The following ATG10 variants were observed in gnomAD, a reference collection of about 807,000 sequenced individuals.
ATG10 encodes the protein autophagy related 10.
In ATG10, 30 loss-of-function variants were observed where a neutral mutation model predicts 32.1. The ratio of observed to expected loss-of-function variants is 0.94; its 90% CI spans 0.70 to 1.27. The LOEUF is 1.27. Ranked by LOEUF, ATG10 falls within the 50% of genes most tolerant of loss-of-function variation. The pLI, the probability that ATG10 is intolerant of heterozygous loss-of-function variation, is 0.00. For synonymous variants in ATG10, 87 were observed against 91.5 expected, an observed-to-expected ratio of 0.95 and a Z score of 0.28; for missense variants, 233 against 262.3, an observed-to-expected ratio of 0.89 and a Z score of 0.77.
intron 3 of ATG10, among the ~76,000 whole-genome samples, chr5:82,111,025 T>TA (rs1581699632): frequency 6.6e-6 from 1 of 151,984 alleles, no homozygotes; most frequent in East Asian, 1.9e-4. Context: ...AGTTTAGAGT[T>TA]ATGGTTTTAG....
At chr5:81,995,949 A>T (rs1026903248) in intron 2 of ATG10, among the ~76,000 whole-genome samples, 2 of 152,212 alleles carry the variant, frequency 1.3e-5, no homozygotes, top group Non-Finnish European at 2.9e-5. Context: ...TAATTACAGA[A>T]GTTGTTTTCA....
intron 5 of ATG10, among the ~76,000 whole-genome samples, chr5:82,217,789 A>T (rs1272504154): frequency 3.3e-5 from 5 of 150,682 alleles, no homozygotes; most frequent in African/African-American, 1.2e-4. Flanking sequence ...CCTGGGCAAT[A>T]TAACAAGACC....
chr5:82,021,979 C>T (rs1488949919), intron 2 of ATG10, among the ~76,000 whole-genome samples: 19 of 149,366 alleles, frequency 1.3e-4, no homozygotes, highest in East Asian at 4.0e-4. Flanking sequence ...ACCGAGATCA[C>T]GCCATTACAC....
intron 3 of ATG10, among the ~76,000 whole-genome samples, chr5:82,075,590 CTT>C (rs1764250543): frequency 6.6e-6 from 1 of 152,060 alleles, no homozygotes; most frequent in Non-Finnish European, 1.5e-5. Context: ...ATGAAAGTAA[CTT>C]TGGAGTAAAT....
intron 2 of ATG10, among the ~76,000 whole-genome samples, chr5:82,055,158 G>A (rs542751143): frequency 6.6e-6 from 1 of 152,072 alleles, no homozygotes; most frequent in Non-Finnish European, 1.5e-5. Context: ...ATCTAGTTCT[G>A]TGGAAGTCTT....
intron 3 of ATG10, among the ~76,000 whole-genome samples, chr5:82,140,636 C>T (rs1416910161): frequency 1.8e-5 from 1 of 57,078 alleles, no homozygotes; most frequent in East Asian, 5.9e-4. Flanking sequence ...GCCGCCCCGT[C>T]CGGGAGGTGA....
chr5:82,104,105 T>C (rs1765373102), intron 3 of ATG10, among the ~76,000 whole-genome samples: 1 of 152,188 alleles, frequency 6.6e-6, no homozygotes, highest in South Asian at 2.1e-4. Flanking sequence ...TAGATGTTTA[T>C]GTTCCTTCCA....
chr5:82,236,073 A>G (rs1158985890), intron 5 of ATG10, among the ~76,000 whole-genome samples: 1 of 152,200 alleles, frequency 6.6e-6, no homozygotes, highest in Non-Finnish European at 1.5e-5. Flanking sequence ...ATTACAATTT[A>G]AGACTCTTTA....
chr5:81,999,217 G>GAAATC (rs1761762730), intron 2 of ATG10, among the ~76,000 whole-genome samples: 1 of 146,166 alleles, frequency 6.8e-6, no homozygotes, highest in Non-Finnish European at 1.5e-5. Context: ...AATAAAAATA[G>GAAATC]AAATCAATGC....
intron 1 of ATG10, among the ~76,000 whole-genome samples, chr5:81,982,695 G>A (rs528599288): frequency 6.6e-6 from 1 of 152,276 alleles, no homozygotes; most frequent in South Asian, 2.1e-4. Flanking sequence ...GTTTTCCTAG[G>A]CAGAGGACCC....
intron 2 of ATG10, among the ~76,000 whole-genome samples, chr5:82,044,295 T>C (rs928511696): frequency 3.9e-5 from 6 of 152,120 alleles, no homozygotes; most frequent in Non-Finnish European, 8.8e-5. Flanking sequence ...CTCACTATTA[T>C]GAGAACAGCA....
At chr5:82,128,849 T>C (rs181231891) in intron 3 of ATG10, among the ~76,000 whole-genome samples, 38 of 151,798 alleles carry the variant, frequency 2.5e-4, no homozygotes, top group Middle Eastern at 3.4e-3. Context: ...GGGTTGCTCT[T>C]CTCAAGGAGT....
chr5:82,140,203 G>GC (rs1370334712), intron 3 of ATG10, among the ~76,000 whole-genome samples: 1 of 59,522 alleles, frequency 1.7e-5, no homozygotes, highest in Admixed American at 1.5e-4. Flanking sequence ...GGGGGGGTCA[G>GC]CCCCCCGCCC....
At chr5:82,118,919 G>C (rs763598815) in intron 3 of ATG10, among the ~76,000 whole-genome samples, 4 of 152,162 alleles carry the variant, frequency 2.6e-5, no homozygotes, top group African/African-American at 9.7e-5. Flanking sequence ...AGAGAAAAGA[G>C]GAGAGAGTTC....
chr5:81,992,234 C>T (rs1407865928), intron 2 of ATG10: 1 of 152,148 alleles, frequency 6.6e-6, no homozygotes, highest in African/African-American at 2.4e-5. Context: ...AAGCTGTCCT[C>T]CTACCTTGGC....
chr5:82,113,987 T>C (rs1373483594), intron 3 of ATG10, among the ~76,000 whole-genome samples: 1 of 151,944 alleles, frequency 6.6e-6, no homozygotes, highest in Non-Finnish European at 1.5e-5. Flanking sequence ...AAAATAATTA[T>C]AGTCAAATCT....
chr5:82,113,998 A>T (rs1302209415), intron 3 of ATG10, among the ~76,000 whole-genome samples: 1 of 151,710 alleles, frequency 6.6e-6, no homozygotes, highest in Non-Finnish European at 1.5e-5. Flanking sequence ...AGTCAAATCT[A>T]GTAATCATTT....
intron 3 of ATG10, among the ~76,000 whole-genome samples, chr5:82,104,967 G>A (rs1461452413): frequency 6.6e-6 from 1 of 152,134 alleles, no homozygotes; most frequent in African/African-American, 2.4e-5. Context: ...AATTGGTTTT[G>A]TGATCAGTTT....
intron 3 of ATG10, among the ~76,000 whole-genome samples, chr5:82,093,205 C>A (rs571229187): frequency 6.6e-6 from 1 of 152,272 alleles, no homozygotes; most frequent in South Asian, 2.1e-4. Context: ...TTATCTCTCT[C>A]CCCATTTCTC....
Sources: allele counts gnomAD v4.1 joint callset (sites outside exome capture counted in the v4.1 genomes callset), GRCh38; gene constraint gnomAD v4.1.1; transcripts MANE v1.5; gene names NCBI Gene and HGNC (gene_info 2026-07-23, HGNC 2026-07-21).